RANBP2: variants seen among roughly 807,000 people sequenced by gnomAD.
The protein encoded by RANBP2 is RAN binding protein 2, also known as E3 SUMO-protein ligase RanBP2.
RANBP2 carries 57 observed loss-of-function variants against 303.6 expected under a neutral mutation model. That is an observed-to-expected ratio of 0.19 (90% CI 0.15 to 0.23). RANBP2 has a LOEUF of 0.23. Ranked by LOEUF, RANBP2 falls within the 10% of genes least tolerant of loss-of-function variation. The pLI, the probability that RANBP2 is intolerant of heterozygous loss-of-function variation, is 1.00. For missense variants in RANBP2, 3,138 were observed against 3,780.8 expected (o/e 0.83, Z 4.46); for synonymous variants, 1,167 against 1,301.5 (o/e 0.90, Z 2.23).
the RANBP2 span, among the ~76,000 whole-genome samples, chr2:109,033,830 C>T: frequency 1.3e-5 from 2 of 151,628 alleles, no homozygotes; most frequent in African/African-American, 4.9e-5. Context: ...GTGGCGGGCA[C>T]CTGTAGTCCC....
the RANBP2 span, among the ~76,000 whole-genome samples, chr2:108,990,613 A>G: frequency 6.6e-6 from 1 of 152,282 alleles, no homozygotes; most frequent in Admixed American, 6.5e-5. Flanking sequence ...AAAAGAAAAG[A>G]AAAGAAAAAA....
chr2:108,992,832 G>A, the RANBP2 span, among the ~76,000 whole-genome samples: 1 of 152,342 alleles, frequency 6.6e-6, no homozygotes, highest in Admixed American at 6.5e-5. Flanking sequence ...TCGTGGCACA[G>A]TGGCTCCCAG....
chr2:108,934,675 G>C, the RANBP2 span, among the ~76,000 whole-genome samples: 4 of 152,172 alleles, frequency 2.6e-5, no homozygotes, highest in African/African-American at 4.8e-5. Flanking sequence ...GGTGATAAGA[G>C]AGTGCAAGCA....
At chr2:108,883,724 G>A in the RANBP2 span, 1 of 152,362 alleles carries the variant, frequency 6.6e-6, no homozygotes, top group South Asian at 2.1e-4. Context: ...GAGACAACAG[G>A]GCATCTGCTT....
the RANBP2 span, among the ~76,000 whole-genome samples, chr2:108,834,156 C>T: frequency 6.6e-6 from 1 of 150,894 alleles, no homozygotes; most frequent in South Asian, 2.1e-4. Context: ...GAATCAATTG[C>T]ATATTTTTAT....
the RANBP2 span, among the ~76,000 whole-genome samples, chr2:108,867,252 A>G: frequency 1.3e-5 from 2 of 152,340 alleles, no homozygotes; most frequent in South Asian, 4.1e-4. Flanking sequence ...GAAGAGGTGG[A>G]CACAAGAGAG....
At chr2:108,980,992 G>T in the RANBP2 span, among the ~76,000 whole-genome samples, 1 of 152,014 alleles carries the variant, frequency 6.6e-6, no homozygotes, top group Non-Finnish European at 1.5e-5. Flanking sequence ...GGGAATGACT[G>T]CCAGGCAGAG....
chr2:109,078,268 GTATATATATATA>G, the RANBP2 span, among the ~76,000 whole-genome samples: 54 of 46,254 alleles, frequency 1.2e-3, 4 homozygotes, highest in African/African-American at 4.6e-3. Context: ...TATATAGCGC[GTATATATATATA>G]TATATATATA....
chr2:109,199,176 G>A, the RANBP2 span, among the ~76,000 whole-genome samples: 1,186 of 151,850 alleles, frequency 7.8e-3, 9 homozygotes, highest in East Asian at 0.037. Context: ...TGGCTAACAC[G>A]GTGAAACCCT....
chr2:109,447,816 A>G, the RANBP2 span, among the ~76,000 whole-genome samples: 2 of 152,224 alleles, frequency 1.3e-5, no homozygotes, highest in African/African-American at 4.8e-5. Context: ...GATTTTTGCA[A>G]ATGTTACAAC....
At chr2:108,874,760 C>G in the RANBP2 span, among the ~76,000 whole-genome samples, 1 of 152,134 alleles carries the variant, frequency 6.6e-6, no homozygotes, top group African/African-American at 2.4e-5. Context: ...GTTACTAGCG[C>G]TGAATTTATC....
the RANBP2 span, among the ~76,000 whole-genome samples, chr2:108,893,787 A>G: frequency 6.6e-6 from 1 of 152,164 alleles, no homozygotes; most frequent in African/African-American, 2.4e-5. Flanking sequence ...CCAACCCTGG[A>G]CTGGCACCAC....
At chr2:108,882,896 G>A in the RANBP2 span, 1 of 152,186 alleles carries the variant, frequency 6.6e-6, no homozygotes, top group South Asian at 2.1e-4. Context: ...GCGCAAGTAG[G>A]GTGGGGCTAA....
chr2:108,988,787 A>C, the RANBP2 span, among the ~76,000 whole-genome samples: 1 of 152,196 alleles, frequency 6.6e-6, no homozygotes, highest in African/African-American at 2.4e-5. Flanking sequence ...GAACAATCTC[A>C]GGTCTTAGAA....
the RANBP2 span, among the ~76,000 whole-genome samples, chr2:109,590,428 T>C: frequency 6.6e-6 from 1 of 151,948 alleles, no homozygotes; most frequent in African/African-American, 2.4e-5. Flanking sequence ...TAAATCCTTT[T>C]TTTTTTTCCT....
At chr2:109,507,195 G>T in the RANBP2 span, among the ~76,000 whole-genome samples, 1 of 152,142 alleles carries the variant, frequency 6.6e-6, no homozygotes, top group Non-Finnish European at 1.5e-5. Flanking sequence ...CCACTGCCAC[G>T]ACGTCTGTGC....
chr2:109,284,219 G>A, the RANBP2 span, among the ~76,000 whole-genome samples: 29 of 152,182 alleles, frequency 1.9e-4, 1 homozygote. Flanking sequence ...GTGACCCTCA[G>A]GAATTTCTTT....
the RANBP2 span, among the ~76,000 whole-genome samples, chr2:109,064,477 AC>A: frequency 5.5e-4 from 81 of 148,276 alleles, no homozygotes; most frequent in Non-Finnish European, 7.3e-4. Context: ...AAAAACAAAA[AC>A]AAACTGGTAA....
chr2:109,516,800 A>G, the RANBP2 span, among the ~76,000 whole-genome samples: 2 of 152,192 alleles, frequency 1.3e-5, no homozygotes, highest in African/African-American at 4.8e-5. Context: ...CTGCTAAACG[A>G]TGGCTGCATT....
Sources: gnomAD v4.1 joint callset for allele counts (sites outside exome capture counted in the v4.1 genomes callset) on GRCh38, gnomAD v4.1.1 for gene constraint, MANE v1.5 for transcripts, NCBI Gene and HGNC (gene_info 2026-07-23, HGNC 2026-07-21) for gene names.